The following CREB5 variants were observed in gnomAD, a reference collection of about 807,000 sequenced individuals.
CREB5 encodes cyclic AMP-responsive element-binding protein 5.
CREB5 carries 19 observed loss-of-function variants against 57.1 expected under a neutral mutation model. The ratio of observed to expected loss-of-function variants is 0.33; its 90% CI spans 0.23 to 0.49. The LOEUF (loss-of-function observed/expected upper bound fraction) is 0.49, where lower values mean the gene tolerates loss of function less well. CREB5 is among the 20% of genes least tolerant of loss of function. CREB5 has a pLI of 0.99. For synonymous variants in CREB5, 238 were observed against 238.3 expected (o/e 1.00, Z 0.01); for missense variants, 579 against 671.6 (o/e 0.86, Z 1.52).
chr7:28,814,875 A>G (rs967548550), intron 9 of CREB5, among the ~76,000 whole-genome samples: 11 of 152,188 alleles, frequency 7.2e-5, no homozygotes, highest in African/African-American at 2.7e-4. Context: ...TTATATGTAT[A>G]TGGATAAACA....
At chr7:28,538,378 A>G (rs1794062287) in intron 4 of CREB5, among the ~76,000 whole-genome samples, 1 of 151,462 alleles carries the variant, frequency 6.6e-6, no homozygotes, top group South Asian at 2.1e-4. Flanking sequence ...AACTAGACAC[A>G]TGGACTCTGT....
At chr7:28,690,939 G>A (rs1265883272) in intron 5 of CREB5, among the ~76,000 whole-genome samples, 1 of 152,172 alleles carries the variant, frequency 6.6e-6, no homozygotes, top group Non-Finnish European at 1.5e-5. Context: ...TGACTAAAGT[G>A]AGGTGAGGAT....
chr7:28,382,094 A>G (rs552819209), intron 1 of CREB5, among the ~76,000 whole-genome samples: 1 of 152,346 alleles, frequency 6.6e-6, no homozygotes, highest in Admixed American at 6.5e-5. Context: ...CACTGGTTGC[A>G]AGTCCCAGAG....
At chr7:28,342,045 T>C (rs534120618) in intron 1 of CREB5, among the ~76,000 whole-genome samples, 1 of 152,302 alleles carries the variant, frequency 6.6e-6, no homozygotes, top group Admixed American at 6.5e-5. Flanking sequence ...AGATAGAGAA[T>C]CATTTTATAT....
chr7:28,580,166 G>A (rs2128655935), intron 5 of CREB5, among the ~76,000 whole-genome samples: 1 of 152,068 alleles, frequency 6.6e-6, no homozygotes, highest in Admixed American at 6.5e-5. Context: ...TAAACAAAAG[G>A]CAACCTATAG....
At chr7:28,669,998 T>C (rs1342704940) in intron 5 of CREB5, among the ~76,000 whole-genome samples, 4 of 152,238 alleles carry the variant, frequency 2.6e-5, no homozygotes, top group Non-Finnish European at 4.4e-5. Context: ...CGTGTTCTCA[T>C]GTTCTCTGCC....
At chr7:28,316,146 T>G (rs774770538) in intron 1 of CREB5, among the ~76,000 whole-genome samples, 2 of 152,210 alleles carry the variant, frequency 1.3e-5, no homozygotes, top group Non-Finnish European at 2.9e-5. Context: ...GGCTTAGTTT[T>G]GCATGTGCTT....
At position 28,348,370 on chromosome 7, in the gene CREB5, T is replaced by TCG. The variant is rs530194849; in HGVS notation, c.-25+48930_-25+48931insGC. Among the ~76,000 whole-genome samples, 379 of 114,326 alleles carry TCG rather than the reference T, an allele frequency of 3.3e-3. 3 individuals carry two copies. The highest frequency in any genetic ancestry group is 0.013 in the Middle Eastern group (3 of 240). 75.0% of individuals were successfully genotyped at this position (114,326 alleles called of 152,430 possible). A position where few individuals can be genotyped will look rare whatever the true frequency, so the allele number is the denominator to read the frequency against. ...AATGATGATCAACATGCGCCTGCTT[T>TCG]CTCTCTCTCTCTGTCTCTCTCTCTC... On this transcript the variant is annotated intron_variant, in intron 1 of 9. Transcript: ENST00000396299.
chr7:28,670,326 G>A (rs1281943480), intron 5 of CREB5, among the ~76,000 whole-genome samples: 4 of 152,166 alleles, frequency 2.6e-5, no homozygotes, highest in Non-Finnish European at 4.4e-5. Flanking sequence ...TCATTGTACC[G>A]TACTCACCTG....
chr7:28,585,855 G>A (rs1796286743), intron 5 of CREB5, among the ~76,000 whole-genome samples: 1 of 152,166 alleles, frequency 6.6e-6, no homozygotes, highest in South Asian at 2.1e-4. Flanking sequence ...AGACACCTGT[G>A]CGGTCGGAAC....
chr7:28,781,607 C>G (rs1242115169), intron 7 of CREB5, among the ~76,000 whole-genome samples: 2 of 152,142 alleles, frequency 1.3e-5, no homozygotes, highest in African/African-American at 4.8e-5. Context: ...CCTTCAGCAC[C>G]AAGGTGGTCT....
chr7:28,556,370 C>T (rs1562794217), intron 4 of CREB5, among the ~76,000 whole-genome samples: 1 of 152,108 alleles, frequency 6.6e-6, no homozygotes, highest in Non-Finnish European at 1.5e-5. Context: ...TCAGAGGAGC[C>T]ACGCTTGCCC....
At chr7:28,816,074 C>CACAA (rs1809423847) in intron 9 of CREB5, among the ~76,000 whole-genome samples, 1 of 151,920 alleles carries the variant, frequency 6.6e-6, no homozygotes, top group African/African-American at 2.4e-5. Context: ...CACACACACA[C>CACAA]ACACACACAC....
intron 5 of CREB5, among the ~76,000 whole-genome samples, chr7:28,590,328 C>A (rs1203248917): frequency 2.0e-5 from 3 of 151,936 alleles, no homozygotes; most frequent in African/African-American, 7.3e-5. Flanking sequence ...CACATATACA[C>A]CATGGAATAC....
At chr7:28,657,067 A>G (rs1799359709) in intron 5 of CREB5, among the ~76,000 whole-genome samples, 1 of 152,180 alleles carries the variant, frequency 6.6e-6, no homozygotes, top group African/African-American at 2.4e-5. Flanking sequence ...CCATGCAGCC[A>G]GGATCCCAAA....
At chr7:28,390,682 C>T (rs1197183715) in intron 1 of CREB5, among the ~76,000 whole-genome samples, 1 of 152,048 alleles carries the variant, frequency 6.6e-6, no homozygotes, top group Non-Finnish European at 1.5e-5. Flanking sequence ...TTTAAGGGAC[C>T]ATAGGATAAA....
chr7:28,612,886 A>G (rs1306515187), intron 5 of CREB5, among the ~76,000 whole-genome samples: 1 of 152,146 alleles, frequency 6.6e-6, no homozygotes, highest in Non-Finnish European at 1.5e-5. Context: ...TACAAATCCC[A>G]TTATTGTTTA....
chr7:28,388,556 G>T (rs1439301058), intron 1 of CREB5, among the ~76,000 whole-genome samples: 2 of 152,102 alleles, frequency 1.3e-5, no homozygotes, highest in Non-Finnish European at 2.9e-5. Context: ...ACAATTAAAT[G>T]GTTGTTTAGT....
rs1401427789 is a variant in CREB5, at chr7:28,570,545, G to T, written c.464+8G>T. On this transcript the variant is annotated splice_region_variant and intron_variant, in intron 5 of 10. Transcript: ENST00000357727. Reference sequence around the variant, plus strand: ...CACCAACCGCCAGATCGGGTAAGGAGCCCTCCTTGGCTGCCCCTGGGTCCT... The same window carrying T: ...CACCAACCGCCAGATCGGGTAAGGATCCCTCCTTGGCTGCCCCTGGGTCCT... The T allele has an allele frequency of 6.2e-7, 1 of 1,611,124 alleles. No individual in the cohort carries two copies. The highest frequency in any genetic ancestry group is 8.5e-7 in the Non-Finnish European group (1 of 1,178,088).
Sources: gnomAD v4.1 joint callset for allele counts (sites outside exome capture counted in the v4.1 genomes callset) on GRCh38, gnomAD v4.1.1 for gene constraint, MANE v1.5 for transcripts, NCBI Gene and HGNC (gene_info 2026-07-23, HGNC 2026-07-21) for gene names.